Variants in HCN2 observed in about 807,000 individuals in gnomAD.
HCN2 encodes the protein hyperpolarization activated cyclic nucleotide gated potassium and sodium channel 2.
In HCN2, 20 loss-of-function variants were observed where a neutral mutation model predicts 52.3. The observed-to-expected ratio is 0.38, with a 90% CI of 0.27 to 0.56. HCN2 has a LOEUF of 0.56. HCN2 is among the 20% of genes least tolerant of loss of function. HCN2 has a pLI of 0.71. For synonymous variants in HCN2, 694 were observed against 537.0 expected (o/e 1.29, Z -4.04); for missense variants, 981 against 1,207.7 (o/e 0.81, Z 2.78).
At chr19:602,638 G>T (rs992862628) in intron 1 of HCN2, among the ~76,000 whole-genome samples, 1 of 152,164 alleles carries the variant, frequency 6.6e-6, no homozygotes, top group Non-Finnish European at 1.5e-5. Flanking sequence ...CTGCTTCCCA[G>T]TGCCCCTCTG....
intron 1 of HCN2, among the ~76,000 whole-genome samples, chr19:593,291 G>C (rs1037682156): frequency 6.6e-6 from 1 of 152,234 alleles, no homozygotes; most frequent in Non-Finnish European, 1.5e-5. Context: ...CCAGATTTCG[G>C]CTCTCAGGCC....
intron 1 of HCN2, among the ~76,000 whole-genome samples, chr19:599,656 C>T (rs1304350150): frequency 4.0e-5 from 6 of 151,184 alleles, no homozygotes; most frequent in African/African-American, 4.8e-5. Flanking sequence ...GGCGTGGTGG[C>T]GGGCGCCTAT....
At chr19:601,307 C>T (rs994787668) in intron 1 of HCN2, among the ~76,000 whole-genome samples, 6 of 152,010 alleles carry the variant, frequency 3.9e-5, no homozygotes, top group African/African-American at 1.2e-4. Context: ...GGTGAGACTC[C>T]GTCTCGGAAA....
At chr19:610,567 G>A (rs1246314004) in intron 5 of HCN2, among the ~76,000 whole-genome samples, 162 bp downstream of exon 5, 1 of 152,104 alleles carries the variant, frequency 6.6e-6, no homozygotes, top group African/African-American at 2.4e-5. Context: ...CCCGCCCCGT[G>A]AGCCTCTGCA....
intron 1 of HCN2, among the ~76,000 whole-genome samples, chr19:595,508 T>C (rs1983001679): frequency 6.6e-6 from 1 of 152,018 alleles, no homozygotes; most frequent in African/African-American, 2.4e-5. Context: ...ACCCGGAGCA[T>C]CAACCTCCGC....
chr19:604,009 G>A (rs764505312), intron 2 of HCN2, 42 bp downstream of exon 2: 5 of 1,436,724 alleles, frequency 3.5e-6, no homozygotes, highest in East Asian at 4.8e-5. Flanking sequence ...CAGGGGCGGG[G>A]CTATAATGGT....
intron 1 of HCN2, among the ~76,000 whole-genome samples, chr19:595,734 C>A (rs913932712): frequency 1.3e-5 from 2 of 151,810 alleles, no homozygotes; most frequent in Non-Finnish European, 2.9e-5. Context: ...CCCGAGATCT[C>A]CCCCACCCGT....
chr19:611,528 G>A (rs773327298), intron 5 of HCN2, among the ~76,000 whole-genome samples: 4 of 152,214 alleles, frequency 2.6e-5, no homozygotes, highest in African/African-American at 9.6e-5. Flanking sequence ...ATGCCTCTGG[G>A]GGGGCGTGTA....
rs759911811 is a variant in HCN2 at position 613,839 on chromosome 19, G to A, written c.1826-13G>A. 69 of 1,537,508 alleles carry A rather than the reference G, an allele frequency of 4.5e-5. No homozygotes were observed. The highest frequency in any genetic ancestry group is 2.8e-4 in the South Asian group (23 of 81,976). On this transcript the variant is annotated splice_polypyrimidine_tract_variant and intron_variant, in intron 6 of 7. Coordinates refer to ENST00000251287, the MANE Select transcript of HCN2 (RefSeq NM_001194.4). ...GCCTCGTCCAGCAACCCCCCCCTGCGCGCCACGTGCAGAGATCTGCCTGCT... is the reference window on the plus strand; with the variant it reads ...GCCTCGTCCAGCAACCCCCCCCTGCACGCCACGTGCAGAGATCTGCCTGCT...
intron 3 of HCN2, among the ~76,000 whole-genome samples, 196 bp from the exon 4 acceptor site, chr19:607,768 C>T (rs985300818): frequency 4.6e-5 from 7 of 152,238 alleles, no homozygotes; most frequent in Non-Finnish European, 8.8e-5. Context: ...TCAGCCCTGG[C>T]CCTCCTGCCA....
At position 616,235 on chromosome 19, in the gene HCN2, C is replaced by A. The variant is rs929312987; in HGVS notation, c.2431C>A (p.Arg811Ser). The change falls in exon 8 of 8, where the codon CGC (arginine) becomes AGC (serine). Residue 811 changes from arginine to serine, a missense_variant. By Grantham distance (110) the Arg-to-Ser change is moderately radical. Around this residue, in one of 6 missense-constraint regions of HCN2, gnomAD observed 368 missense variants for 314.8 expected, o/e 1.17. Transcript: ENST00000251287. ...APLAGPALPARRLSRASRPLS... is the reference protein window; with the variant it reads ...APLAGPALPASRLSRASRPLS... ...CCTTGCTGGGCCCGCCCTGCCCGCG[C>A]GCCGCCTGAGCCGCGCGTCGCGCCC... The A allele has an allele frequency of 3.0e-5, 30 of 996,272 alleles. No individual in the cohort carries two copies. The highest frequency in any genetic ancestry group is 3.6e-5 in the Non-Finnish European group (30 of 839,654). The allele number at this position is 996,272 out of a possible 1,614,324, so 61.7% of individuals were successfully genotyped here. A position where few individuals can be genotyped will look rare whatever the true frequency, so the allele number is the denominator to read the frequency against.
At chr19:593,198 G>A (rs555571886) in intron 1 of HCN2, among the ~76,000 whole-genome samples, 4 of 152,290 alleles carry the variant, frequency 2.6e-5, no homozygotes, top group African/African-American at 7.2e-5. Flanking sequence ...CACGCCCCAC[G>A]TCCCAGTCCC....
intron 4 of HCN2, 66 bp downstream of exon 4, chr19:608,248 G>C (rs1185779944): frequency 1.4e-6 from 2 of 1,453,318 alleles, no homozygotes; most frequent in Non-Finnish European, 1.9e-6. Context: ...TGGGGTCTGA[G>C]AGAGAGTCAG....
At position 591,980 on chromosome 19, in the gene HCN2, CA is replaced by C. The variant is rs766670485; in HGVS notation, c.632+1404del. 6.6e-6 allele frequency among the ~76,000 whole-genome samples: 1 copy of C among 152,198 alleles called. No individual in the cohort carries two copies. Among genetic ancestry groups the C allele is most frequent in the African/African-American group, 2.4e-5 (1 of 41,446 alleles). On this transcript the variant is annotated intron_variant, in intron 1 of 7. Transcript: ENST00000251287. This position sits in a 1 kb window ranked among gnomAD's most constrained non-coding sequence, Gnocchi z 4.1. The stretch of plus-strand genomic sequence containing the variant: ...CAGAAGCCTGGATTTCGAGACAGGC[CA>C]GGGGTGGGAGGAGCCCCGAAATCCC...
chr19:590,354 G>C lies in HCN2; in HGVS notation c.409G>C (p.Gly137Arg), dbSNP rs905611560. ...CGGGGCGGCCTCGGGGCCCGCGCCG[G>C]GGCCGGGGCCGGCGGAGGAGGCGGG... ...CRGAASGPAP[G>R]PGPAEEAGSE... The change falls in exon 1 of 8, where the codon GGG becomes CGG. Residue 137 changes from glycine to arginine, a missense_variant. Transcript: ENST00000251287. This position sits in a 1 kb window ranked among gnomAD's most constrained non-coding sequence, Gnocchi z 7.2. 165 of 1,115,076 alleles carry C rather than the reference G, an allele frequency of 1.5e-4. No individual in the cohort carries two copies. The African/African-American group carries it at 2.7e-3, about 18-fold the overall frequency. 69.1% of individuals were successfully genotyped at this position (1,115,076 alleles called of 1,614,324 possible). A position where few individuals can be genotyped will look rare whatever the true frequency, so the allele number is the denominator to read the frequency against.
In HCN2 at chr19:605,811, G is replaced by C. The variant is rs1046628777; in HGVS notation, c.1218+589G>C. Among the ~76,000 whole-genome samples the C allele has an allele frequency of 2.0e-5, 3 of 150,816 alleles. 1 individual carries two copies. The highest frequency in any genetic ancestry group is 7.4e-5 in the African/African-American group (3 of 40,344). On this transcript the variant is annotated intron_variant, in intron 3 of 7. Transcript: ENST00000251287. ...GGCCCTTACAGAGGCGGGGACCCAG[G>C]CCGCCTTACAGAGGGAGAGACACAG...
rs988369154 is a variant in HCN2, at chr19:591,924, G to A, written c.632+1347G>A. On this transcript the variant is annotated intron_variant, in intron 1 of 7. Coordinates refer to ENST00000251287, the MANE Select transcript of HCN2 (RefSeq NM_001194.4). This position sits in a 1 kb window ranked among gnomAD's most constrained non-coding sequence, Gnocchi z 4.1. ...GCCCTGGAATCCTCCTCCCACCCCA[G>A]GCCTTCCTGAGAGGTGAATACAGCT... 6.6e-6 allele frequency among the ~76,000 whole-genome samples: 1 copy of A among 152,170 alleles called. No individual in the cohort carries two copies. The highest frequency in any genetic ancestry group is 2.4e-5 in the African/African-American group (1 of 41,446).
At chr19:597,771 C>T (rs113681868) in intron 1 of HCN2, among the ~76,000 whole-genome samples, 6,022 of 150,050 alleles carry the variant, frequency 0.04, 149 homozygotes, top group Middle Eastern at 0.092. Flanking sequence ...TTTCTAGGTC[C>T]CCCTTGGTGG....
In HCN2 at chr19:591,481, C is replaced by T. The variant is rs984271214; in HGVS notation, c.632+904C>T. 6.6e-6 allele frequency among the ~76,000 whole-genome samples: 1 copy of T among 152,072 alleles called. No individual in the cohort carries two copies. The highest frequency in any genetic ancestry group is 2.4e-5 in the African/African-American group (1 of 41,396). Reference sequence around the variant, plus strand: ...GGTGGCGGGCGTGCGCGTGTACGCCCGGGGCCGGTGTGCACCGGTGGGCAG... The same window carrying T: ...GGTGGCGGGCGTGCGCGTGTACGCCTGGGGCCGGTGTGCACCGGTGGGCAG... On this transcript the variant is annotated intron_variant, in intron 1 of 7. Transcript: ENST00000251287. This position sits in a 1 kb window ranked among gnomAD's most constrained non-coding sequence, Gnocchi z 4.1.
Sources: allele counts gnomAD v4.1 joint callset (sites outside exome capture counted in the v4.1 genomes callset), GRCh38; gene constraint gnomAD v4.1.1; regional missense constraint gnomAD v4.1.1; non-coding constraint Gnocchi (gnomAD v3.1); transcripts MANE v1.5; gene names NCBI Gene and HGNC (gene_info 2026-07-23, HGNC 2026-07-21).